The following ATP10A variants were observed in gnomAD, a reference collection of about 807,000 sequenced individuals.
ATP10A encodes phospholipid-transporting ATPase VA.
ATP10A carries 111 observed loss-of-function variants against 147.8 expected under a neutral mutation model. The observed-to-expected ratio is 0.75, with a 90% CI of 0.64 to 0.88. ATP10A has a LOEUF of 0.88. Among genes scored for constraint, ATP10A ranks in the 40% least tolerant of loss-of-function variants. The pLI, the probability that ATP10A is intolerant of heterozygous loss-of-function variation, is 0.00. For synonymous variants in ATP10A, 875 were observed against 841.6 expected (o/e 1.04, Z -0.69); for missense variants, 1,927 against 1,959.0 (o/e 0.98, Z 0.31).
intron 13 of ATP10A, among the ~76,000 whole-genome samples, chr15:25,700,743 G>A (rs974173521): frequency 2.0e-5 from 3 of 152,148 alleles, no homozygotes; most frequent in Non-Finnish European, 4.4e-5. Flanking sequence ...CTCCTGGACC[G>A]TGGATAGGGT....
intron 1 of ATP10A, among the ~76,000 whole-genome samples, chr15:25,824,418 G>C (rs1358417023): frequency 1.3e-5 from 2 of 149,448 alleles, no homozygotes; most frequent in South Asian, 2.1e-4. Flanking sequence ...AGGCTACAGA[G>C]AGCTGTGATC....
intron 1 of ATP10A, among the ~76,000 whole-genome samples, chr15:25,814,775 T>C (rs1023124744): frequency 1.3e-5 from 2 of 152,162 alleles, no homozygotes; most frequent in African/African-American, 2.4e-5. Context: ...GGGAAGTCAT[T>C]TGGCGTATAA....
At chr15:25,680,080 T>TCA in intron 20 of ATP10A, 41 bp downstream of exon 20, 1 of 1,601,580 alleles carries the variant, frequency 6.2e-7, no homozygotes, top group Non-Finnish European at 8.5e-7. Flanking sequence ...TCGTCTGGGC[T>TCA]CACTCGGGGC....
chr15:25,695,208 C>T, intron 13 of ATP10A, 62 bp from the exon 14 acceptor site: 2 of 1,474,514 alleles, frequency 1.4e-6, no homozygotes, highest in South Asian at 2.6e-5. Context: ...CATCCCCGCC[C>T]TGGCTCAACA....
At chr15:25,726,646 C>T (rs4906628) in intron 4 of ATP10A, among the ~76,000 whole-genome samples, 119,812 of 151,662 alleles carry the variant, frequency 0.79, 48,356 homozygotes, top group Non-Finnish European at 0.88. Flanking sequence ...GGTTTCACTA[C>T]GTTGGCCAAG....
chr15:25,687,593 G>A, intron 16 of ATP10A, 110 bp downstream of exon 16: 1 of 791,896 alleles, frequency 1.3e-6, no homozygotes, highest in Non-Finnish European at 1.6e-6. Flanking sequence ...GGATGGAGCA[G>A]GTTGTCCATG....
At chr15:25,801,636 G>C (rs1890945196) in intron 1 of ATP10A, among the ~76,000 whole-genome samples, 1 of 152,196 alleles carries the variant, frequency 6.6e-6, no homozygotes, top group Non-Finnish European at 1.5e-5. Flanking sequence ...GTTTAATCCG[G>C]TGTGGGACAG....
chr15:25,812,472 G>T lies in ATP10A; in HGVS notation c.450-31249C>A, dbSNP rs146794260. On this transcript the variant is annotated intron_variant, in intron 1 of 20. Coordinates refer to ENST00000555815, the MANE Select transcript of ATP10A (RefSeq NM_024490.4). ...ATTCAAAGCGAGGGAAAATAACAAG[G>T]ACGCCCTAAATACACCCACAAACCT... Among the ~76,000 whole-genome samples, 65 of 152,240 alleles carry T rather than the reference G, an allele frequency of 4.3e-4. No individual in the cohort carries two copies. In the East Asian group the frequency reaches 5.4e-3, roughly 13 times the overall value.
At chr15:25,685,920 C>A (rs1380854992) in intron 16 of ATP10A, among the ~76,000 whole-genome samples, 1 of 152,064 alleles carries the variant, frequency 6.6e-6, no homozygotes, top group East Asian at 1.9e-4. Flanking sequence ...CTTCCCTGCC[C>A]ACCCCCATTC....
intron 12 of ATP10A, 60 bp downstream of exon 12, chr15:25,707,916 C>G (rs1901137815): frequency 1.9e-6 from 3 of 1,594,172 alleles, no homozygotes; most frequent in Admixed American, 1.7e-5. Context: ...ACTCACCCCT[C>G]CAGGGCCGTC....
intron 1 of ATP10A, among the ~76,000 whole-genome samples, chr15:25,833,546 A>G (rs758453511): frequency 3.3e-5 from 5 of 152,168 alleles, no homozygotes; most frequent in Middle Eastern, 3.4e-3. Context: ...GTGAAAAATT[A>G]TTACAAAATG....
chr15:25,713,605 A>C (rs533373387), intron 10 of ATP10A, 69 bp downstream of exon 10: 3 of 1,416,148 alleles, frequency 2.1e-6, no homozygotes, highest in Non-Finnish European at 2.9e-6. Flanking sequence ...AAGAGAAGGA[A>C]TTGGGTGGGG....
chr15:25,690,429 TG>T (rs1199680467), intron 15 of ATP10A, among the ~76,000 whole-genome samples: 1 of 152,104 alleles, frequency 6.6e-6, no homozygotes, highest in Admixed American at 6.5e-5. Context: ...TTAGTAGAGA[TG>T]GGGTTTCACC....
chr15:25,861,887 G>A (rs1893775510), intron 1 of ATP10A: 1 of 175,500 alleles, frequency 5.7e-6, no homozygotes, highest in Non-Finnish European at 1.2e-5. Flanking sequence ...GGATGAAAAG[G>A]CCGCAGGCCT....
intron 1 of ATP10A, among the ~76,000 whole-genome samples, chr15:25,834,823 G>A (rs1440327250): frequency 1.3e-5 from 2 of 152,232 alleles, no homozygotes; most frequent in Admixed American, 6.5e-5. Context: ...CAATATGAAT[G>A]AGCCTGCAAA....
chr15:25,860,332 A>G (rs554530208), intron 1 of ATP10A, among the ~76,000 whole-genome samples: 1 of 152,268 alleles, frequency 6.6e-6, no homozygotes, highest in Non-Finnish European at 1.5e-5. Flanking sequence ...GCCTCGCCAG[A>G]CATGGAGCCT....
intron 1 of ATP10A, among the ~76,000 whole-genome samples, chr15:25,806,533 C>T (rs981167497): frequency 1.3e-4 from 19 of 151,992 alleles, no homozygotes; most frequent in Admixed American, 3.3e-4. Context: ...AGGATGGTCT[C>T]GATCTCCTGA....
At chr15:25,751,292 A>T (rs1248182996) in intron 2 of ATP10A, among the ~76,000 whole-genome samples, 1 of 152,162 alleles carries the variant, frequency 6.6e-6, no homozygotes, top group East Asian at 1.9e-4. Context: ...AGATCTGCAA[A>T]GAGAAATACA....
At chr15:25,769,341 G>A (rs1298343407) in intron 2 of ATP10A, among the ~76,000 whole-genome samples, 4 of 151,882 alleles carry the variant, frequency 2.6e-5, no homozygotes, top group Non-Finnish European at 4.4e-5. Context: ...AAAAAAATTA[G>A]CCGGGGGTGG....
Sources: gnomAD v4.1 joint callset for allele counts (sites outside exome capture counted in the v4.1 genomes callset) on GRCh38, gnomAD v4.1.1 for gene constraint, MANE v1.5 for transcripts, NCBI Gene and HGNC (gene_info 2026-07-23, HGNC 2026-07-21) for gene names.